RBMS3: variants seen among roughly 807,000 people sequenced by gnomAD.
RBMS3 encodes the protein RNA binding motif single stranded interacting protein 3, also known as RNA-binding motif, single-stranded-interacting protein 3.
RBMS3 carries 27 observed loss-of-function variants against 66.8 expected under a neutral mutation model. The ratio of observed to expected loss-of-function variants is 0.40; its 90% CI spans 0.30 to 0.56. RBMS3 has a LOEUF of 0.56. Ranked by LOEUF, RBMS3 falls within the 20% of genes least tolerant of loss-of-function variation. The pLI, the probability that RBMS3 is intolerant of heterozygous loss-of-function variation, is 0.40. For synonymous variants in RBMS3, 188 were observed against 183.0 expected (o/e 1.03, Z -0.22); for missense variants, 513 against 549.5 (o/e 0.93, Z 0.66).
chr3:29,972,497 G>A (rs1697292960), intron 12 of RBMS3, among the ~76,000 whole-genome samples: 1 of 151,660 alleles, frequency 6.6e-6, no homozygotes, highest in South Asian at 2.1e-4. Context: ...CACCCATCTT[G>A]GATCAACCTC....
chr3:29,691,624 T>C (rs2052012636), intron 4 of RBMS3, among the ~76,000 whole-genome samples: 1 of 152,146 alleles, frequency 6.6e-6, no homozygotes, highest in Non-Finnish European at 1.5e-5. Flanking sequence ...TAAAACAAAA[T>C]GGCTTAATTC....
At chr3:29,701,792 C>G (rs13060764) in intron 4 of RBMS3, among the ~76,000 whole-genome samples, 68,618 of 151,952 alleles carry the variant, frequency 0.45, 15,930 homozygotes, top group South Asian at 0.54. Context: ...CTCACCGGGC[C>G]TCAGCTGTCT....
chr3:29,958,467 G>GA (rs34587295), intron 12 of RBMS3, among the ~76,000 whole-genome samples: 1,783 of 151,062 alleles, frequency 0.012, 39 homozygotes, highest in African/African-American at 0.04. Context: ...CATTCATGCA[G>GA]AAAAAAAAAC....
At position 29,731,788 on chromosome 3, in the gene RBMS3, C is replaced by T. The variant is rs115401643; in HGVS notation, c.400-7932C>T. Among the ~76,000 whole-genome samples, 392 of 152,206 alleles carry T rather than the reference C, an allele frequency of 2.6e-3. 2 individuals carry two copies. The highest frequency in any genetic ancestry group is 9.1e-3 in the African/African-American group (377 of 41,542). ...TATTAGTCAGGGTTCTTCAGAGAAA[C>T]AGAACCAATAGGATGTCTCTACCTC... On this transcript the variant is annotated intron_variant, in intron 4 of 14. Transcript: ENST00000383767.
At chr3:29,778,225 T>A (rs1195795028) in intron 6 of RBMS3, among the ~76,000 whole-genome samples, 1 of 151,912 alleles carries the variant, frequency 6.6e-6, no homozygotes, top group Non-Finnish European at 1.5e-5. Flanking sequence ...TTCTTTGAAT[T>A]TCATTTTTTA....
chr3:29,457,808 T>TA (rs1380598881), intron 2 of RBMS3, among the ~76,000 whole-genome samples: 1 of 150,634 alleles, frequency 6.6e-6, no homozygotes, highest in Non-Finnish European at 1.5e-5. Context: ...CCTTAGCTCT[T>TA]ACCATTTCTC....
intron 10 of RBMS3, among the ~76,000 whole-genome samples, chr3:29,910,927 G>A (rs17024604): frequency 0.023 from 3,545 of 152,042 alleles, 154 homozygotes; most frequent in African/African-American, 0.082. Flanking sequence ...CTAAGAAGAA[G>A]CTTACCAAAG....
chr3:29,779,271 A>G (rs952685257), intron 6 of RBMS3, among the ~76,000 whole-genome samples: 9 of 150,802 alleles, frequency 6.0e-5, no homozygotes, highest in African/African-American at 2.2e-4. Context: ...GTTCTTTTGT[A>G]TGTGTGTGTG....
At chr3:29,365,561 A>G (rs945887891) in intron 1 of RBMS3, among the ~76,000 whole-genome samples, 1 of 147,376 alleles carries the variant, frequency 6.8e-6, no homozygotes, top group South Asian at 2.1e-4. Flanking sequence ...TGAAACAAAA[A>G]GACAGTATTC....
chr3:29,584,609 AT>A (rs2047445363), intron 3 of RBMS3, among the ~76,000 whole-genome samples: 1 of 152,082 alleles, frequency 6.6e-6, no homozygotes, highest in African/African-American at 2.4e-5. Flanking sequence ...TCCCATTTCA[AT>A]AAATTACATA....
chr3:29,747,039 A>C (rs2054931673), intron 5 of RBMS3, among the ~76,000 whole-genome samples: 1 of 152,204 alleles, frequency 6.6e-6, no homozygotes, highest in Non-Finnish European at 1.5e-5. Context: ...CCTGCTGTAA[A>C]CACAAAGCAT....
At chr3:29,310,198 G>T (rs1212696500) in intron 1 of RBMS3, among the ~76,000 whole-genome samples, 1 of 151,666 alleles carries the variant, frequency 6.6e-6, no homozygotes, top group East Asian at 1.9e-4. Flanking sequence ...AGAAAGAGAT[G>T]GTGGATAAGG....
At chr3:29,524,055 G>A (rs112977302) in intron 3 of RBMS3, among the ~76,000 whole-genome samples, 3 of 151,878 alleles carry the variant, frequency 2.0e-5, no homozygotes, top group African/African-American at 7.2e-5. Flanking sequence ...TCTTTTAAAT[G>A]CCCAGTACAA....
intron 3 of RBMS3, among the ~76,000 whole-genome samples, chr3:29,566,849 T>C (rs531326033): frequency 2.8e-4 from 42 of 152,068 alleles, no homozygotes; most frequent in Non-Finnish European, 5.0e-4. Context: ...AGGTGGATTA[T>C]CTGTCAAAAC....
chr3:29,343,442 T>A (rs2036395961), intron 1 of RBMS3, among the ~76,000 whole-genome samples: 1 of 152,132 alleles, frequency 6.6e-6, no homozygotes, highest in Admixed American at 6.6e-5. Context: ...TTTGGATCTT[T>A]CAAAATAAAC....
chr3:29,559,011 T>C (rs2046449247), intron 3 of RBMS3, among the ~76,000 whole-genome samples: 1 of 152,152 alleles, frequency 6.6e-6, no homozygotes, highest in South Asian at 2.1e-4. Flanking sequence ...AATCACACAA[T>C]ATTGCATAGA....
At chr3:29,676,801 C>T (rs2051276813) in intron 4 of RBMS3, among the ~76,000 whole-genome samples, 1 of 152,118 alleles carries the variant, frequency 6.6e-6, no homozygotes, top group South Asian at 2.1e-4. Flanking sequence ...GTGTAAAACA[C>T]ATGCCATTTT....
intron 10 of RBMS3, among the ~76,000 whole-genome samples, chr3:29,929,601 T>A (rs76902481): frequency 6.8e-6 from 1 of 146,396 alleles, no homozygotes; most frequent in South Asian, 2.2e-4. Flanking sequence ...TAAAAAAAAA[T>A]ACTTCCAGTT....
chr3:29,349,654 C>T (rs2036785997), intron 1 of RBMS3, among the ~76,000 whole-genome samples: 1 of 152,182 alleles, frequency 6.6e-6, no homozygotes, highest in Admixed American at 6.5e-5. Flanking sequence ...GGCCATTTAG[C>T]TCTCTGTCAC....
Sources: allele counts gnomAD v4.1 joint callset (sites outside exome capture counted in the v4.1 genomes callset), GRCh38; gene constraint gnomAD v4.1.1; transcripts MANE v1.5; gene names NCBI Gene and HGNC (gene_info 2026-07-23, HGNC 2026-07-21).